Variants in TXNDC16 observed in about 807,000 individuals in gnomAD.
TXNDC16 encodes thioredoxin domain containing 16, also known as thioredoxin domain-containing protein 16.
TXNDC16 carries 74 observed loss-of-function variants against 85.6 expected under a neutral mutation model. The observed-to-expected ratio is 0.86, with a 90% confidence interval of 0.72 to 1.05. The LOEUF (loss-of-function observed/expected upper bound fraction) is 1.05, where lower values mean the gene tolerates loss of function less well. Ranked by LOEUF, TXNDC16 falls within the 50% of genes least tolerant of loss-of-function variation. The pLI is 0.00. For synonymous variants in TXNDC16, 335 were observed against 326.5 expected, an observed-to-expected ratio of 1.03 and a Z score of -0.28; for missense variants, 959 against 947.0, an observed-to-expected ratio of 1.01 and a Z score of -0.17.
chr14:52,440,978 CCT>C (rs2035151420), intron 18 of TXNDC16, among the ~76,000 whole-genome samples: 1 of 152,048 alleles, frequency 6.6e-6, no homozygotes, highest in Non-Finnish European at 1.5e-5. Flanking sequence ...AAAGGAGTCC[CCT>C]GTTTTACAAG....
intron 1 of TXNDC16, among the ~76,000 whole-genome samples, chr14:52,551,326 A>C (rs78649425): frequency 2.0e-5 from 3 of 149,542 alleles, no homozygotes; most frequent in Non-Finnish European, 4.5e-5. Context: ...AAAAAAAAAA[A>C]ATCAGCCGGG....
intron 14 of TXNDC16, among the ~76,000 whole-genome samples, chr14:52,472,622 A>G (rs1458156122): frequency 6.6e-6 from 1 of 152,246 alleles, no homozygotes; most frequent in Non-Finnish European, 1.5e-5. Context: ...CTTACATTAA[A>G]GGATATTAAT....
intron 16 of TXNDC16, among the ~76,000 whole-genome samples, chr14:52,469,212 T>G (rs1402590812): frequency 1.3e-5 from 2 of 151,844 alleles, no homozygotes; most frequent in Non-Finnish European, 2.9e-5. Flanking sequence ...CTGGGCATGG[T>G]GGCACATGTC....
intron 20 of TXNDC16, among the ~76,000 whole-genome samples, chr14:52,437,523 C>A (rs1235751698): frequency 6.6e-6 from 1 of 151,998 alleles, no homozygotes; most frequent in African/African-American, 2.4e-5. Flanking sequence ...ACCCCATAAG[C>A]ACAAGCAACC....
At chr14:52,542,631 T>C (rs1378382454) in intron 3 of TXNDC16, among the ~76,000 whole-genome samples, 178 bp from the exon 4 acceptor site, 1 of 152,200 alleles carries the variant, frequency 6.6e-6, no homozygotes, top group Non-Finnish European at 1.5e-5. Flanking sequence ...TTCTTATTTC[T>C]GTTTTTATCA....
chr14:52,490,255 G>C (rs1378496302), intron 11 of TXNDC16, 136 bp downstream of exon 11: 2 of 528,036 alleles, frequency 3.8e-6, no homozygotes, highest in Admixed American at 8.1e-5. Context: ...ACATCAAAAC[G>C]TTAACAGCAA....
In TXNDC16 at chr14:52,542,407, A is replaced by G; in HGVS notation, c.207T>C (p.Val69=). The G allele has an allele frequency of 6.2e-7, 1 of 1,612,822 alleles. No homozygotes were observed. The highest frequency in any genetic ancestry group is 1.1e-5 in the South Asian group (1 of 90,960). Reference sequence around the variant, plus strand: ...AAATTCCATAGTCCTGCAGAGGTCTAACAGCCTCATTCAGTTCTTCAAGAA... The same window carrying G: ...AAATTCCATAGTCCTGCAGAGGTCTGACAGCCTCATTCAGTTCTTCAAGAA... ...SVFLEELNEA[V]RPLQDYGISV... Residue 69 remains valine (V), a synonymous_variant, in exon 4 of 21, where the codon GTT becomes GTC. Transcript: ENST00000281741.
chr14:52,477,441 T>G (rs1254895418), intron 14 of TXNDC16, among the ~76,000 whole-genome samples: 2 of 151,918 alleles, frequency 1.3e-5, no homozygotes, highest in Non-Finnish European at 1.5e-5. Flanking sequence ...ACCTAACACA[T>G]AAAGACTCAC....
intron 18 of TXNDC16, among the ~76,000 whole-genome samples, chr14:52,445,639 A>G (rs1273578917): frequency 1.3e-5 from 2 of 152,210 alleles, no homozygotes; most frequent in East Asian, 1.9e-4. Context: ...AATGGAGTAC[A>G]TGTAAGATGG....
At chr14:52,530,454 A>ATTATTTATTATAT (rs1433815522) in intron 6 of TXNDC16, among the ~76,000 whole-genome samples, 1 of 8,818 alleles carries the variant, frequency 1.1e-4, no homozygotes, top group African/African-American at 9.3e-4. Flanking sequence ...ATTATTATAT[A>ATTATTTATTATAT]ATAATATATA....
chr14:52,457,119 T>A lies in TXNDC16; in HGVS notation c.1674A>T (p.Gly558=). 13 of 1,593,624 alleles carry A rather than the reference T, an allele frequency of 8.2e-6. No individual in the cohort carries two copies. Among genetic ancestry groups the A allele is most frequent in the Non-Finnish European group, 1.1e-5 (13 of 1,172,936 alleles). The change falls in exon 17 of 21, where the codon GGA becomes GGT. Residue 558 remains glycine, a synonymous_variant. Transcript: ENST00000281741. ...GCAAAACATCTTCTTCAGAATAAAT[T>A]CCAGTGATAACATATCCTTTTAGGT... ...GNYLKGYVIT[G]IYSEEDVLLL...
intron 1 of TXNDC16, among the ~76,000 whole-genome samples, chr14:52,551,439 C>T (rs560182078): frequency 7.1e-4 from 106 of 148,532 alleles, no homozygotes; most frequent in African/African-American, 2.6e-3. Context: ...GTCACTACAG[C>T]CTGGGCGACA....
intron 1 of TXNDC16, among the ~76,000 whole-genome samples, chr14:52,551,660 G>GA (rs112926997): frequency 4.2e-4 from 63 of 148,370 alleles, no homozygotes; most frequent in African/African-American, 9.9e-4. Context: ...TTCCAAATAG[G>GA]AAAAAAAAAA....
intron 16 of TXNDC16, among the ~76,000 whole-genome samples, chr14:52,459,313 G>C (rs1424024291): frequency 6.6e-6 from 1 of 151,948 alleles, no homozygotes; most frequent in Non-Finnish European, 1.5e-5. Flanking sequence ...ATACAAACTA[G>C]AAAACCTGAA....
At chr14:52,508,892 C>G (rs1594741886) in intron 9 of TXNDC16, among the ~76,000 whole-genome samples, 1 of 152,086 alleles carries the variant, frequency 6.6e-6, no homozygotes, top group Admixed American at 6.5e-5. Context: ...ACATCACACA[C>G]CGGGGCCTGT....
chr14:52,461,166 C>T (rs2035644401), intron 16 of TXNDC16, among the ~76,000 whole-genome samples: 2 of 151,360 alleles, frequency 1.3e-5, no homozygotes, highest in South Asian at 4.2e-4. Context: ...TTAATAGACT[C>T]TTTATTTAGA....
At chr14:52,451,779 G>T (rs748153652) in intron 18 of TXNDC16, among the ~76,000 whole-genome samples, 18 of 151,982 alleles carry the variant, frequency 1.2e-4, no homozygotes, top group African/African-American at 3.9e-4. Flanking sequence ...GATCTGGAAC[G>T]TGACAAGGAT....
intron 9 of TXNDC16, among the ~76,000 whole-genome samples, chr14:52,505,512 A>G (rs1253297920): frequency 1.3e-5 from 2 of 152,232 alleles, no homozygotes; most frequent in East Asian, 3.8e-4. Context: ...TGTCTTTGAA[A>G]CCAATGAGAA....
At chr14:52,497,334 A>C (rs1239400074) in intron 9 of TXNDC16, among the ~76,000 whole-genome samples, 1 of 152,210 alleles carries the variant, frequency 6.6e-6, no homozygotes, top group Non-Finnish European at 1.5e-5. Context: ...ATCAGTAATC[A>C]AAAACCTCCC....
Sources: gnomAD v4.1 joint callset for allele counts (sites outside exome capture counted in the v4.1 genomes callset) on GRCh38, gnomAD v4.1.1 for gene constraint, MANE v1.5 for transcripts, NCBI Gene and HGNC (gene_info 2026-07-23, HGNC 2026-07-21) for gene names.